Variants in SOHLH1 observed in about 807,000 individuals in gnomAD.
SOHLH1 encodes the protein spermatogenesis- and oogenesis-specific basic helix-loop-helix-containing protein 1.
A neutral mutation model predicts 36.2 loss-of-function variants in SOHLH1; 23 were observed. The ratio of observed to expected loss-of-function variants is 0.64; its 90% CI spans 0.46 to 0.90. The LOEUF (loss-of-function observed/expected upper bound fraction) is 0.90, where lower values mean the gene tolerates loss of function less well. Among genes scored for constraint, SOHLH1 ranks in the 40% least tolerant of loss-of-function variants. SOHLH1 has a pLI of 0.00. For missense variants in SOHLH1, 608 were observed against 517.0 expected (o/e 1.18, Z -1.71); for synonymous variants, 289 against 228.3 (o/e 1.27, Z -2.40).
intron 3 of SOHLH1, 115 bp downstream of exon 3, chr9:135,698,214 A>G: frequency 6.9e-7 from 1 of 1,446,476 alleles, no homozygotes; most frequent in Non-Finnish European, 9.6e-7. Context: ...CTAGCCGTGG[A>G]GACCCAGAGG....
chr9:135,699,826 C>G (rs1834972746), upstream of SOHLH1, among the ~76,000 whole-genome samples: 2 of 151,980 alleles, frequency 1.3e-5, no homozygotes, highest in Non-Finnish European at 2.9e-5. Flanking sequence ...CCCTTGGGCA[C>G]TTTGGAGATG....
Position 135,694,468 on chromosome 9 carries a change from C to G in SOHLH1, c.876-11G>C. The G allele has an allele frequency of 6.2e-7, 1 of 1,612,232 alleles. No homozygotes were observed. Among genetic ancestry groups the G allele is most frequent in the Non-Finnish European group, 8.5e-7 (1 of 1,179,858 alleles). On this transcript the variant is annotated splice_polypyrimidine_tract_variant and intron_variant, in intron 6 of 7. Coordinates refer to ENST00000425225, the MANE Select transcript of SOHLH1 (RefSeq NM_001101677.2). ...GACCCCAACGCAGACCTGGAAGCGA[C>G]AAGCTCTTCCTCAGTGGCCACAAGC...
intron 7 of SOHLH1, 106 bp downstream of exon 7, chr9:135,694,281 C>T (rs1834702488): frequency 1.9e-6 from 3 of 1,581,198 alleles, no homozygotes; most frequent in East Asian, 2.3e-5. Context: ...GGCTCAGACA[C>T]AGACCCTGGG....
intron 3 of SOHLH1, 53 bp from the exon 4 acceptor site, chr9:135,697,680 C>A: frequency 6.3e-7 from 1 of 1,584,662 alleles, no homozygotes; most frequent in Middle Eastern, 1.7e-4. Flanking sequence ...AGCTGAGAAA[C>A]CCAAGACACG....
In SOHLH1 at chr9:135,696,475, G is replaced by A. The variant is rs1287741885; in HGVS notation, c.661+137C>T. On this transcript the variant is annotated intron_variant, in intron 5 of 7. Transcript: ENST00000425225. ...GAATCAAGCTCATCCCTCAACACGT[G>A]GGTTTCTCACCAACACAAGGGCCTG... The A allele has an allele frequency of 7.1e-6, 7 of 982,678 alleles. No individual in the cohort carries two copies. In the East Asian group the frequency reaches 1.1e-4, roughly 15 times the overall value. The allele number at this position is 982,678 out of a possible 1,614,324, so 60.9% of individuals were successfully genotyped here. A position where few individuals can be genotyped will look rare whatever the true frequency, so the allele number is the denominator to read the frequency against.
In SOHLH1 at chr9:135,696,776, C is replaced by T. The variant is rs2131292064; in HGVS notation, c.497G>A (p.Ser166Asn). ...RTPDVKAFLE[S>N]PWSLDPASAS... ...CGACGCTGGATCCAGGGACCAAGGA[C>T]TTTCCAGAAACGCCTTCACATCTGG... Residue 166 changes from serine (S) to asparagine (N), a missense_variant, in exon 5 of 8, where the codon AGT becomes AAT. Ser to Asn is a conservative substitution (Grantham distance 46, BLOSUM62 1). Coordinates refer to ENST00000425225, the MANE Select transcript of SOHLH1 (RefSeq NM_001101677.2). The T allele has an allele frequency of 1.2e-6, 2 of 1,613,120 alleles. No homozygotes were observed. Among genetic ancestry groups the T allele is most frequent in the East Asian group, 2.2e-5 (1 of 44,882 alleles).
At chr9:135,694,911 C>T in intron 6 of SOHLH1, 139 bp downstream of exon 6, 1 of 999,358 alleles carries the variant, frequency 1.0e-6, no homozygotes. Flanking sequence ...GGCCTCCCTC[C>T]CACGGGCACA....
At chr9:135,694,346 T>C (rs1406085552) in intron 7 of SOHLH1, 41 bp downstream of exon 7, 1 of 1,612,156 alleles carries the variant, frequency 6.2e-7, no homozygotes, top group Non-Finnish European at 8.5e-7. Flanking sequence ...TATCAGGTGC[T>C]TACGCGGGGG....
rs1049447746 is a variant in SOHLH1, at chr9:135,695,180, G to A, written c.745C>T (p.Gln249Ter). 20 of 1,604,434 alleles carry A rather than the reference G, an allele frequency of 1.2e-5. No homozygotes were observed. Among genetic ancestry groups the A allele is most frequent in the African/African-American group, 2.7e-5 (2 of 74,866 alleles). The stretch of plus-strand genomic sequence containing the variant: ...CTCATCACGGGCAAGGTCTGCTGCT[G>A]CGAGAACGGAGGCCAGGACAGGGGT... ...RPPLSWPPFS[Q>*]QQTLPVMSGE... is the part of the protein sequence containing the mutation. The change falls in exon 6 of 8, where the codon CAG becomes TAG. Residue 249 changes from glutamine (Q) to a stop codon, truncating the protein, a stop_gained. Transcript: ENST00000425225. LOFTEE classifies it high-confidence loss of function.
chr9:135,696,564 C>T (rs561152998), intron 5 of SOHLH1, 48 bp downstream of exon 5: 233 of 1,599,172 alleles, frequency 1.5e-4, no homozygotes, highest in Admixed American at 2.2e-4. Flanking sequence ...CACAGCCTGG[C>T]GCCGCTCCCC....
In SOHLH1 at chr9:135,696,799, T is replaced by C. The variant is rs1229992066; in HGVS notation, c.474A>G (p.Pro158=). ...GTGASSGTRT[P]DVKAFLESPW... ...GACTTTCCAGAAACGCCTTCACATCTGGGGTTCTAGAAGGAGCAACATGAC... is the reference window on the plus strand; with the variant it reads ...GACTTTCCAGAAACGCCTTCACATCCGGGGTTCTAGAAGGAGCAACATGAC... The change falls in exon 5 of 8, where the codon CCA becomes CCG. Residue 158 remains proline (P), a synonymous_variant. Transcript: ENST00000425225. 2.5e-6 allele frequency: 4 copies of C among 1,612,822 alleles called. No individual in the cohort carries two copies. The highest frequency in any genetic ancestry group is 2.7e-5 in the African/African-American group (2 of 74,908).
upstream of SOHLH1, among the ~76,000 whole-genome samples, chr9:135,700,227 T>G (rs114454133): frequency 6.9e-3 from 1,058 of 152,290 alleles, 9 homozygotes; most frequent in African/African-American, 0.023. Context: ...CTCAACAGGT[T>G]TCTGCGGGAT....
chr9:135,701,706 TGCGGGGGGTGTGGGG>T (rs1270025181), upstream of SOHLH1, among the ~76,000 whole-genome samples: 2 of 141,562 alleles, frequency 1.4e-5, no homozygotes, highest in South Asian at 2.6e-4. Flanking sequence ...TGCCGCAGCC[TGCGGGGGGTGTGGGG>T]GCGGGGGGGC....
At chr9:135,699,533 G>T, upstream of SOHLH1, 1 of 1,531,540 alleles carries the variant, frequency 6.5e-7, no homozygotes, top group Non-Finnish European at 8.9e-7. Flanking sequence ...GCCCCCTCAC[G>T]TGTGCTCTGC....
chr9:135,700,990 T>C (rs1369863541), upstream of SOHLH1, among the ~76,000 whole-genome samples: 1 of 152,224 alleles, frequency 6.6e-6, no homozygotes, highest in Non-Finnish European at 1.5e-5. Context: ...TAATCACAGA[T>C]GCAGATGGTG....
intron 7 of SOHLH1, chr9:135,694,092 C>T (rs866623969): frequency 2.0e-5 from 28 of 1,427,642 alleles, no homozygotes; most frequent in South Asian, 9.2e-5. Flanking sequence ...CCGGCCAGCA[C>T]GGGCTGGACC....
chr9:135,694,061 T>C, intron 7 of SOHLH1: 1 of 1,426,714 alleles, frequency 7.0e-7, no homozygotes, highest in Non-Finnish European at 9.1e-7. Context: ...ACACGCCATG[T>C]CACAGGGCCA....
intron 6 of SOHLH1, among the ~76,000 whole-genome samples, chr9:135,694,820 G>A (rs1834724582): frequency 6.7e-6 from 1 of 149,992 alleles, no homozygotes; most frequent in African/African-American, 2.5e-5. Flanking sequence ...ATGACAATTA[G>A]GAAGACAAAA....
chr9:135,698,248 G>C (rs750506429), intron 3 of SOHLH1, 81 bp downstream of exon 3: 24 of 1,589,258 alleles, frequency 1.5e-5, no homozygotes, highest in Middle Eastern at 1.7e-4. Context: ...GGGATGACAG[G>C]GGACACACTG....
Sources: allele counts gnomAD v4.1 joint callset (sites outside exome capture counted in the v4.1 genomes callset), GRCh38; gene constraint gnomAD v4.1.1; transcripts MANE v1.5; gene names NCBI Gene and HGNC (gene_info 2026-07-23, HGNC 2026-07-21).